Variants in ESRRG observed in about 807,000 individuals in gnomAD.
ESRRG encodes the protein estrogen-related receptor gamma.
A neutral mutation model predicts 44.0 loss-of-function variants in ESRRG; 13 were observed. That is an observed-to-expected ratio of 0.30 (90% CI 0.19 to 0.47). The LOEUF (loss-of-function observed/expected upper bound fraction) is 0.47. ESRRG is among the 20% of genes least tolerant of loss of function. The probability of loss-of-function intolerance (pLI) is 1.00; values close to 1 mark genes in which losing one functional copy is unlikely to be tolerated. For missense variants in ESRRG, 395 were observed against 580.6 expected (o/e 0.68, Z 3.29); for synonymous variants, 215 against 214.6 (o/e 1.00, Z -0.02).
At chr1:216,851,337 C>G (rs2095839747) in intron 2 of ESRRG, among the ~76,000 whole-genome samples, 1 of 152,052 alleles carries the variant, frequency 6.6e-6, no homozygotes. Flanking sequence ...ACTTTTGAAA[C>G]ACAGTAGTGT....
At chr1:216,932,132 AGGCAGAAGTT>A (rs1343907056) in intron 2 of ESRRG, among the ~76,000 whole-genome samples, 4 of 152,190 alleles carry the variant, frequency 2.6e-5, no homozygotes, top group African/African-American at 9.7e-5. Flanking sequence ...TGAATCCAGG[AGGCAGAAGTT>A]GCAGTGAGCT....
chr1:216,598,703 G>A (rs1447101457), intron 3 of ESRRG, among the ~76,000 whole-genome samples: 2 of 151,928 alleles, frequency 1.3e-5, no homozygotes, highest in Non-Finnish European at 2.9e-5. Flanking sequence ...CTTCTTTAAT[G>A]GCTAAAACTT....
chr1:216,923,598 TC>T (rs766547581), intron 2 of ESRRG, among the ~76,000 whole-genome samples: 3 of 151,248 alleles, frequency 2.0e-5, no homozygotes, highest in Non-Finnish European at 4.4e-5. Flanking sequence ...AGTCGGCAGA[TC>T]CGAGCAGAGG....
chr1:216,748,965 C>T (rs1220089549), intron 2 of ESRRG, among the ~76,000 whole-genome samples: 2 of 152,028 alleles, frequency 1.3e-5, no homozygotes, highest in Admixed American at 6.6e-5. Flanking sequence ...TGCCTACGGT[C>T]GACGTAGAAA....
chr1:216,705,477 T>C (rs1233992332), intron 1 of ESRRG, among the ~76,000 whole-genome samples: 3 of 152,128 alleles, frequency 2.0e-5, no homozygotes, highest in Admixed American at 1.3e-4. Flanking sequence ...TACCCAAAAA[T>C]ATTACTTTTC....
chr1:217,089,003 A>G (rs1206996883), intron 1 of ESRRG, among the ~76,000 whole-genome samples: 1 of 152,092 alleles, frequency 6.6e-6, no homozygotes, highest in Non-Finnish European at 1.5e-5. Context: ...CGTAGAGGAC[A>G]GGAGGGAGAC....
chr1:216,841,129 C>T (rs1237565094), intron 2 of ESRRG, among the ~76,000 whole-genome samples: 2 of 152,142 alleles, frequency 1.3e-5, no homozygotes, highest in Admixed American at 6.5e-5. Context: ...ATCATCAACT[C>T]ACTCCAAATT....
chr1:216,951,902 T>TAC (rs1434711532), intron 1 of ESRRG, among the ~76,000 whole-genome samples: 1 of 151,572 alleles, frequency 6.6e-6, no homozygotes, highest in Non-Finnish European at 1.5e-5. Flanking sequence ...TATATATATA[T>TAC]ATAATATATA....
At chr1:216,815,933 C>T (rs541360894) in intron 2 of ESRRG, among the ~76,000 whole-genome samples, 216 of 152,302 alleles carry the variant, frequency 1.4e-3, no homozygotes, top group African/African-American at 5.0e-3. Context: ...GGAACACACA[C>T]ACACACAGGA....
At chr1:217,080,959 G>C (rs974542584) in intron 1 of ESRRG, among the ~76,000 whole-genome samples, 1 of 151,924 alleles carries the variant, frequency 6.6e-6, no homozygotes, top group East Asian at 1.9e-4. Flanking sequence ...TTACAGGCGT[G>C]AGCCACCGCG....
intron 1 of ESRRG, among the ~76,000 whole-genome samples, chr1:216,694,267 A>G (rs1039410910): frequency 3.3e-5 from 5 of 152,168 alleles, no homozygotes; most frequent in Admixed American, 3.3e-4. Flanking sequence ...AGGAAGAAAA[A>G]TACCATTTTA....
intron 1 of ESRRG, among the ~76,000 whole-genome samples, chr1:216,989,312 C>T (rs1034897773): frequency 1.3e-5 from 2 of 150,674 alleles, no homozygotes; most frequent in Non-Finnish European, 2.9e-5. Context: ...ATTAGCCAGT[C>T]ATGGTGGCAC....
intron 1 of ESRRG, among the ~76,000 whole-genome samples, chr1:216,962,855 T>C (rs1248360515): frequency 6.6e-6 from 1 of 152,152 alleles, no homozygotes; most frequent in Non-Finnish European, 1.5e-5. Context: ...TGAGAACGTA[T>C]ATACAATTAA....
chr1:216,579,298 A>C (rs1255532489), intron 3 of ESRRG, among the ~76,000 whole-genome samples: 1 of 152,024 alleles, frequency 6.6e-6, no homozygotes, highest in Non-Finnish European at 1.5e-5. Flanking sequence ...ATATGGATCC[A>C]CTCCAGATTC....
intron 1 of ESRRG, among the ~76,000 whole-genome samples, chr1:216,989,677 T>G (rs1046818797): frequency 1.3e-5 from 2 of 152,132 alleles, no homozygotes; most frequent in African/African-American, 4.8e-5. Context: ...GTCAATCAGC[T>G]CAGTGATGGC....
intron 1 of ESRRG, among the ~76,000 whole-genome samples, chr1:217,101,788 T>C (rs946336219): frequency 2.8e-4 from 3 of 10,626 alleles, no homozygotes; most frequent in African/African-American, 3.1e-4. Flanking sequence ...TAAAACAACA[T>C]TTTATTTTTT....
At chr1:216,819,438 C>T (rs903085099) in intron 2 of ESRRG, among the ~76,000 whole-genome samples, 1 of 152,146 alleles carries the variant, frequency 6.6e-6, no homozygotes, top group African/African-American at 2.4e-5. Flanking sequence ...AGCATTGATC[C>T]CTACTTTGTG....
chr1:216,536,293 G>A (rs550044214), intron 5 of ESRRG, among the ~76,000 whole-genome samples: 2 of 152,054 alleles, frequency 1.3e-5, no homozygotes, highest in South Asian at 4.2e-4. Flanking sequence ...CCATCAAAAT[G>A]TCTCATTGGC....
rs146907134 is a variant in ESRRG, at chr1:217,083,900, T to C, written c.-106+5607A>G. Among the ~76,000 whole-genome samples, 10 of 152,334 alleles carry C rather than the reference T, an allele frequency of 6.6e-5. No individual in the cohort carries two copies. In the East Asian group the frequency reaches 1.9e-3, roughly 29 times the overall value. On this transcript the variant is annotated intron_variant, in intron 1 of 7. Coordinates refer to the ESRRG transcript ENST00000359162. ...GAAAAGCTATAACTTGCTAACAATT[T>C]TCCTGATTTATGTTTGAAAACATAC...
Sources: gnomAD v4.1 joint callset for allele counts (sites outside exome capture counted in the v4.1 genomes callset) on GRCh38, gnomAD v4.1.1 for gene constraint, MANE v1.5 for transcripts, NCBI Gene and HGNC (gene_info 2026-07-23, HGNC 2026-07-21) for gene names.